ST18: variants seen among roughly 807,000 people sequenced by gnomAD.
ST18 encodes ST18 C2H2C-type zinc finger transcription factor.
ST18 carries 50 observed loss-of-function variants against 110.0 expected under a neutral mutation model. The observed-to-expected ratio is 0.45, with a 90% CI of 0.36 to 0.58. ST18 has a LOEUF of 0.58. Among genes scored for constraint, ST18 ranks in the 20% least tolerant of loss-of-function variants. The pLI, the probability that ST18 is intolerant of heterozygous loss-of-function variation, is 0.00. For missense variants in ST18, 1,306 were observed against 1,280.1 expected (o/e 1.02, Z -0.31); for synonymous variants, 461 against 452.4 (o/e 1.02, Z -0.24).
At chr8:52,316,087 A>G (rs907167100) in intron 2 of ST18, among the ~76,000 whole-genome samples, 1 of 152,238 alleles carries the variant, frequency 6.6e-6, no homozygotes, top group African/African-American at 2.4e-5. Context: ...CCTACAACTT[A>G]AATGTTTCAT....
intron 24 of ST18, among the ~76,000 whole-genome samples, chr8:52,117,892 A>G (rs996564818): frequency 6.6e-6 from 1 of 152,244 alleles, no homozygotes; most frequent in Admixed American, 6.5e-5. Flanking sequence ...GCTTTTAGGT[A>G]AAGAATTTGC....
chr8:52,386,552 AC>A (rs1290020874), intron 2 of ST18, among the ~76,000 whole-genome samples: 1 of 152,140 alleles, frequency 6.6e-6, no homozygotes, highest in Non-Finnish European at 1.5e-5. Context: ...TAATGTTAAA[AC>A]AAAATTGTTA....
At chr8:52,221,101 A>ATCTATCTG (rs1191443489) in intron 4 of ST18, among the ~76,000 whole-genome samples, 79 of 150,470 alleles carry the variant, frequency 5.3e-4, no homozygotes, top group African/African-American at 1.8e-3. Context: ...CTATCTATCT[A>ATCTATCTG]TCTATCTATC....
At chr8:52,153,588 TAGAGGAGAAATGATC>T (rs1235918021) in intron 15 of ST18, among the ~76,000 whole-genome samples, 1 of 152,172 alleles carries the variant, frequency 6.6e-6, no homozygotes, top group South Asian at 2.1e-4. Context: ...TCAAAATAAA[TAGAGGAGAAATGATC>T]AGAGGAGAAA....
intron 2 of ST18, among the ~76,000 whole-genome samples, chr8:52,379,257 C>T (rs959268962): frequency 6.6e-6 from 1 of 151,760 alleles, no homozygotes; most frequent in African/African-American, 2.4e-5. Flanking sequence ...ACGGTTACGC[C>T]CAGCTAATTT....
At chr8:52,227,843 G>A (rs1400077739) in intron 3 of ST18, among the ~76,000 whole-genome samples, 1 of 152,106 alleles carries the variant, frequency 6.6e-6, no homozygotes, top group East Asian at 1.9e-4. Context: ...AGCTTGTCCA[G>A]GTCCAGTTTC....
chr8:52,343,257 C>T (rs933266754), intron 2 of ST18, among the ~76,000 whole-genome samples: 5 of 152,142 alleles, frequency 3.3e-5, no homozygotes, highest in Admixed American at 6.5e-5. Context: ...ACCCGCCAGA[C>T]AATAAAGCTT....
intron 2 of ST18, among the ~76,000 whole-genome samples, chr8:52,371,530 T>C (rs746069111): frequency 1.3e-5 from 2 of 152,200 alleles, no homozygotes; most frequent in African/African-American, 2.4e-5. Flanking sequence ...AAAAAATTAC[T>C]GTTAATTTTA....
chr8:52,135,555 C>A (rs1369600530), intron 19 of ST18, among the ~76,000 whole-genome samples: 3 of 99,908 alleles, frequency 3.0e-5, no homozygotes, highest in East Asian at 2.5e-4. Context: ...GCAACAAGAC[C>A]GAAACTCCAT....
intron 2 of ST18, among the ~76,000 whole-genome samples, chr8:52,287,537 C>A (rs946854430): frequency 2.0e-5 from 3 of 152,036 alleles, no homozygotes; most frequent in African/African-American, 7.2e-5. Context: ...ACATCTAGAA[C>A]AAATCCTTAA....
chr8:52,214,917 C>T (rs769353719), intron 6 of ST18, among the ~76,000 whole-genome samples: 1 of 152,158 alleles, frequency 6.6e-6, no homozygotes, highest in South Asian at 2.1e-4. Context: ...TAAATGTCAT[C>T]AAATCAATTA....
intron 2 of ST18, among the ~76,000 whole-genome samples, chr8:52,304,546 G>A (rs1329170419): frequency 6.6e-6 from 1 of 152,096 alleles, no homozygotes; most frequent in Non-Finnish European, 1.5e-5. Flanking sequence ...ATACATAAAA[G>A]AAGCTCATTA....
chr8:52,225,781 C>G (rs1042007510), intron 3 of ST18, among the ~76,000 whole-genome samples: 1 of 152,126 alleles, frequency 6.6e-6, no homozygotes, highest in Non-Finnish European at 1.5e-5. Context: ...TTAATATTTC[C>G]TGGTAATGAA....
chr8:52,228,146 C>T (rs780825128), intron 3 of ST18, among the ~76,000 whole-genome samples: 1 of 152,024 alleles, frequency 6.6e-6, no homozygotes, highest in Non-Finnish European at 1.5e-5. Context: ...ACATCAGCTC[C>T]CAACATGCAA....
At chr8:52,321,412 G>T (rs576243215) in intron 2 of ST18, among the ~76,000 whole-genome samples, 1 of 152,294 alleles carries the variant, frequency 6.6e-6, no homozygotes, top group South Asian at 2.1e-4. Flanking sequence ...ACAATGACCA[G>T]GAAGCATTTT....
intron 17 of ST18, among the ~76,000 whole-genome samples, chr8:52,142,008 G>T (rs1284372835): frequency 2.0e-5 from 3 of 152,188 alleles, no homozygotes; most frequent in Non-Finnish European, 4.4e-5. Flanking sequence ...CAGAGGTGAG[G>T]CATCCTAGAG....
At chr8:52,136,443 G>A (rs764445730) in intron 19 of ST18, 147 bp downstream of exon 19, 10 of 710,120 alleles carry the variant, frequency 1.4e-5, no homozygotes, top group Non-Finnish European at 2.4e-5. Flanking sequence ...AGTCATCCCA[G>A]CGCTTTAGTC....
rs1044148002 is a variant in ST18, at chr8:52,166,844, G to A, written c.1204+8C>T. ...AAGCAGAAGCTTTGAGGGACAAGTG[G>A]TACTCACTTTCCAGGGGAACCCGCA... On this transcript the variant is annotated splice_region_variant and intron_variant, in intron 11 of 25. Transcript: ENST00000689386. 2 of 1,570,636 alleles carry A rather than the reference G, an allele frequency of 1.3e-6. No individual in the cohort carries two copies. The highest frequency in any genetic ancestry group is 1.7e-6 in the Non-Finnish European group (2 of 1,150,378).
rs1416325210 is a variant in ST18 at position 52,185,811 on chromosome 8, C to T, written c.87-5499G>A. On this transcript the variant is annotated intron_variant, in intron 8 of 25. Transcript: ENST00000689386. Reference sequence around the variant, plus strand: ...TTTGCACTGTAAAATAATAAAACTTCTAGAAGAAAATGTGAGATATTACCT... The same window carrying T: ...TTTGCACTGTAAAATAATAAAACTTTTAGAAGAAAATGTGAGATATTACCT... 2.0e-5 allele frequency among the ~76,000 whole-genome samples: 3 copies of T among 152,158 alleles called. No individual in the cohort carries two copies. In the East Asian group the frequency reaches 5.8e-4, roughly 29 times the overall value.
Sources: allele counts gnomAD v4.1 joint callset (sites outside exome capture counted in the v4.1 genomes callset), GRCh38; gene constraint gnomAD v4.1.1; transcripts MANE v1.5; gene names NCBI Gene and HGNC (gene_info 2026-07-23, HGNC 2026-07-21).